Variants in ECE2 observed in about 807,000 individuals in gnomAD.
ECE2 encodes the protein endothelin converting enzyme 2.
Under a neutral mutation model 100.6 loss-of-function variants are expected in ECE2, and 81 were observed. That is an observed-to-expected ratio of 0.81 (90% confidence interval 0.67 to 0.97). ECE2 has a LOEUF of 0.97. ECE2 is among the 50% of genes least tolerant of loss of function. The pLI, the probability that ECE2 is intolerant of heterozygous loss-of-function variation, is 0.00. For missense variants in ECE2, 911 were observed against 988.1 expected, an observed-to-expected ratio of 0.92 and a Z score of 1.05; for synonymous variants, 391 against 391.5, an observed-to-expected ratio of 1.00 and a Z score of 0.02.
intron 3 of ECE2, 62 bp downstream of exon 3, chr3:184,277,089 TC>T: frequency 6.2e-7 from 1 of 1,607,506 alleles, no homozygotes; most frequent in Non-Finnish European, 8.5e-7. Context: ...CCTAAGGGCC[TC>T]TAAGATTTTC....
At chr3:184,290,485 G>T (rs775424465) in intron 14 of ECE2, 72 bp from the exon 15 acceptor site, 105 of 1,568,744 alleles carry the variant, frequency 6.7e-5, no homozygotes, top group Non-Finnish European at 8.4e-5. Context: ...GCAGGAGGTA[G>T]GGCAGGGCTG....
chr3:184,285,096 C>T lies in ECE2; in HGVS notation c.1139C>T (p.Thr380Met), dbSNP rs563187104. The change falls in exon 9 of 19, where the codon ACG becomes ATG. Residue 380 changes from threonine to methionine, a missense_variant. Physicochemically the swap from Thr to Met is moderately conservative, Grantham distance 81 (BLOSUM62 -1). Coordinates refer to ENST00000404464, the MANE Select transcript of ECE2 (RefSeq NM_001100121.2). The stretch of plus-strand genomic sequence containing the variant: ...CAGGTGTCAGAGCTCATCAACCGCA[C>T]GGAACCAAGGTGTGGGGGTAGCCCA... ...LQQVSELINR[T>M]EPSILNNYLI... 1.1e-5 allele frequency: 17 copies of T among 1,613,734 alleles called. No individual in the cohort carries two copies. Among genetic ancestry groups the T allele is most frequent in the South Asian group, 3.3e-5 (3 of 91,032 alleles).
Position 184,289,298 on chromosome 3 carries a change from C to T in ECE2, c.1375-139C>T, listed in dbSNP as rs377702736. On this transcript the variant is annotated intron_variant, in intron 11 of 18. Coordinates refer to ENST00000404464, the MANE Select transcript of ECE2 (RefSeq NM_001100121.2). This position sits in a 1 kb window ranked among gnomAD's most constrained non-coding sequence, Gnocchi z 4.1. ...AAATGGTGTTTCCTTCTCATCGTCT[C>T]CAGGTGCTCAGCCGTATTTCTTTAG... 2 of 716,210 alleles carry T rather than the reference C, an allele frequency of 2.8e-6. No homozygotes were observed. The highest frequency in any genetic ancestry group is 3.5e-5 in the African/African-American group (2 of 56,418). 44.4% of individuals were successfully genotyped at this position (716,210 alleles called of 1,614,324 possible). A position where few individuals can be genotyped will look rare whatever the true frequency, so the allele number is the denominator to read the frequency against.
chr3:184,289,343 C>G lies in ECE2; in HGVS notation c.1375-94C>G. ...CTTTAGTCTAGACGTTCCCATTTCC[C>G]CTGGGTGGACAGGGATGGGGCACCA... On this transcript the variant is annotated intron_variant, in intron 11 of 18. Coordinates refer to ENST00000404464, the MANE Select transcript of ECE2 (RefSeq NM_001100121.2). This position sits in a 1 kb window ranked among gnomAD's most constrained non-coding sequence, Gnocchi z 4.1. 8.5e-7 allele frequency: 1 copy of G among 1,180,164 alleles called. No homozygotes were observed. The highest frequency in any genetic ancestry group is 1.3e-5 in the South Asian group (1 of 75,532). The allele number at this position is 1,180,164 out of a possible 1,614,324, so 73.1% of individuals were successfully genotyped here. A position where few individuals can be genotyped will look rare whatever the true frequency, so the allele number is the denominator to read the frequency against.
Position 184,292,578 on chromosome 3 carries a change from T to A in ECE2, c.*340T>A. On this transcript the variant is annotated 3_prime_UTR_variant, in exon 19 of 19. Coordinates refer to ENST00000404464, the MANE Select transcript of ECE2 (RefSeq NM_001100121.2). Reference sequence around the variant, plus strand: ...AGCCTGGCGGCCATGGGGCCTGCCGTGCCTGCCCCACTGTGACCCACAGGC... The same window carrying A: ...AGCCTGGCGGCCATGGGGCCTGCCGAGCCTGCCCCACTGTGACCCACAGGC... 2.9e-6 allele frequency: 1 copy of A among 348,452 alleles called. No homozygotes were observed. The highest frequency in any genetic ancestry group is 5.7e-5 in the East Asian group (1 of 17,416). 21.6% of individuals were successfully genotyped at this position (348,452 alleles called of 1,614,324 possible). A position where few individuals can be genotyped will look rare whatever the true frequency, so the allele number is the denominator to read the frequency against.
chr3:184,290,977 G>A (rs1053212676), intron 16 of ECE2, 63 bp from the exon 17 acceptor site: 1 of 1,571,268 alleles, frequency 6.4e-7, no homozygotes, highest in Admixed American at 1.9e-5. Context: ...GCTGGTGGGG[G>A]CACTGCTGCC....
chr3:184,280,677 T>C (rs977572078), intron 7 of ECE2, among the ~76,000 whole-genome samples: 3 of 152,066 alleles, frequency 2.0e-5, no homozygotes, highest in Non-Finnish European at 2.9e-5. Context: ...ACCCCATCTC[T>C]ACTAAAAATA....
Position 184,285,496 on chromosome 3 carries a change from G to C in ECE2, c.1167G>C (p.Leu389=). 6.2e-7 allele frequency: 1 copy of C among 1,614,074 alleles called. No homozygotes were observed. Among genetic ancestry groups the C allele is most frequent in the Non-Finnish European group, 8.5e-7 (1 of 1,179,992 alleles). The change falls in exon 10 of 19, where the codon CTG becomes CTC. Residue 389 remains leucine, a synonymous_variant. Transcript: ENST00000404464. ...RTEPSILNNY[L]IWNLVQKTTS... ...TTGTCAGCATCCTGAACAATTACCTGATCTGGAACCTGGTGCAAAAGACAA... is the reference window on the plus strand; with the variant it reads ...TTGTCAGCATCCTGAACAATTACCTCATCTGGAACCTGGTGCAAAAGACAA...
chr3:184,284,688 G>T (rs575901014), intron 8 of ECE2, among the ~76,000 whole-genome samples: 1 of 152,166 alleles, frequency 6.6e-6, no homozygotes, highest in Non-Finnish European at 1.5e-5. Context: ...GCAGGGTGTT[G>T]GGAGTGGTAT....
chr3:184,287,455 G>T (rs1721106872), intron 10 of ECE2, among the ~76,000 whole-genome samples: 1 of 152,096 alleles, frequency 6.6e-6, no homozygotes, highest in Non-Finnish European at 1.5e-5. Context: ...ACTTTGGGAG[G>T]CCAAAGCGGG....
In ECE2 at chr3:184,287,872, C is replaced by A. The variant is rs1235822029; in HGVS notation, c.1299C>A (p.Asn433Lys). 3 of 1,614,096 alleles carry A rather than the reference C, an allele frequency of 1.9e-6. No homozygotes were observed. The highest frequency in any genetic ancestry group is 2.5e-6 in the Non-Finnish European group (3 of 1,180,032). Reference sequence around the variant, plus strand: ...CGAGGTGGCAGACCTGCATCTCCAACACGGATGACGCCCTTGGCTTTGCTT... The same window carrying A: ...CGAGGTGGCAGACCTGCATCTCCAAAACGGATGACGCCCTTGGCTTTGCTT... Reference protein sequence around the residue: ...CVPRWQTCISNTDDALGFALG... With the variant: ...CVPRWQTCISKTDDALGFALG... Residue 433 changes from asparagine to lysine, a missense_variant, in exon 11 of 19, where the codon AAC becomes AAA. Coordinates refer to ENST00000404464, the MANE Select transcript of ECE2 (RefSeq NM_001100121.2).
chr3:184,292,368 T>C lies in ECE2; in HGVS notation c.*130T>C. ...GGGTCTAGTCCCTCCCCCCCACAGGTGACATGAGTACAGACCCTCCTCAAT... is the reference window on the plus strand; with the variant it reads ...GGGTCTAGTCCCTCCCCCCCACAGGCGACATGAGTACAGACCCTCCTCAAT... On this transcript the variant is annotated 3_prime_UTR_variant, in exon 19 of 19. Coordinates refer to ENST00000404464, the MANE Select transcript of ECE2 (RefSeq NM_001100121.2). The C allele has an allele frequency of 9.3e-7, 1 of 1,080,002 alleles. No homozygotes were observed. The highest frequency in any genetic ancestry group is 1.3e-6 in the Non-Finnish European group (1 of 742,406). The allele number at this position is 1,080,002 out of a possible 1,614,324, so 66.9% of individuals were successfully genotyped here. A position where few individuals can be genotyped will look rare whatever the true frequency, so the allele number is the denominator to read the frequency against.
In ECE2 at chr3:184,292,154, C is replaced by G. The variant is rs80046793; in HGVS notation, c.2214C>G (p.Leu738=). ...SPARFRVLGT[L]SNSRDFLRHF... is the part of the protein sequence containing the mutation. ...CCCGCTTCCGCGTGCTGGGCACTCTCTCCAACTCCCGTGACTTCCTGCGGC... is the reference window on the plus strand; with the variant it reads ...CCCGCTTCCGCGTGCTGGGCACTCTGTCCAACTCCCGTGACTTCCTGCGGC... The change falls in exon 19 of 19, where the codon CTC becomes CTG. Residue 738 remains leucine (L), a synonymous_variant. Transcript: ENST00000404464. 120 of 1,614,158 alleles carry G rather than the reference C, an allele frequency of 7.4e-5. 1 individual carries two copies. In the East Asian group the frequency reaches 2.7e-3, roughly 36 times the overall value.
chr3:184,280,369 A>G (rs1720766299), intron 7 of ECE2, among the ~76,000 whole-genome samples: 1 of 152,166 alleles, frequency 6.6e-6, no homozygotes, highest in Non-Finnish European at 1.5e-5. Context: ...TAGGGGTACA[A>G]ACTTATGCTC....
Position 184,276,514 on chromosome 3 carries a change from G to C in ECE2, c.73G>C (p.Glu25Gln), listed in dbSNP as rs924935279. ...VEYKRATLRDEDAPETPVEGG... is the reference protein window; with the variant it reads ...VEYKRATLRDQDAPETPVEGG... ...GTACAAACGGGCCACGCTTCGGGAT[G>C]AAGACGCACCCGAGACCCCCGTAGA... Residue 25 changes from glutamate to glutamine, a missense_variant, in exon 2 of 19, where the codon GAA (glutamate) becomes CAA (glutamine). Glu to Gln is a conservative substitution (Grantham distance 29). Coordinates refer to ENST00000404464, the MANE Select transcript of ECE2 (RefSeq NM_001100121.2). 7 of 1,611,210 alleles carry C rather than the reference G, an allele frequency of 4.3e-6. No homozygotes were observed. The highest frequency in any genetic ancestry group is 5.1e-6 in the Non-Finnish European group (6 of 1,179,768).
At chr3:184,284,403 G>A (rs1335332712) in intron 8 of ECE2, among the ~76,000 whole-genome samples, 1 of 152,154 alleles carries the variant, frequency 6.6e-6, no homozygotes, top group African/African-American at 2.4e-5. Flanking sequence ...TTAGCCGGGT[G>A]TGGTGGCACA....
At chr3:184,288,003 G>A (rs760469900) in intron 11 of ECE2, 56 bp downstream of exon 11, 56 of 1,534,202 alleles carry the variant, frequency 3.7e-5, no homozygotes, top group Non-Finnish European at 4.7e-5. Context: ...GTTCATGTAT[G>A]TGCAGACATA....
chr3:184,276,821 G>A, intron 2 of ECE2, 71 bp from the exon 3 acceptor site: 2 of 1,594,592 alleles, frequency 1.3e-6, no homozygotes, highest in South Asian at 1.1e-5. Context: ...ACTGCCTGTG[G>A]CTTCACCCTC....
At chr3:184,284,542 C>CA (rs35701535) in intron 8 of ECE2, among the ~76,000 whole-genome samples, 3,307 of 66,000 alleles carry the variant, frequency 0.05, 72 homozygotes, top group African/African-American at 0.077. Flanking sequence ...AACTCCATCT[C>CA]AAAAAAAAAA....
Sources: allele counts gnomAD v4.1 joint callset (sites outside exome capture counted in the v4.1 genomes callset), GRCh38; gene constraint gnomAD v4.1.1; non-coding constraint Gnocchi (gnomAD v3.1); transcripts MANE v1.5; gene names NCBI Gene and HGNC (gene_info 2026-07-23, HGNC 2026-07-21).